Variants in CRCP observed in about 807,000 individuals in gnomAD.
CRCP encodes the protein DNA-directed RNA polymerase III subunit RPC9.
CRCP carries 18 observed loss-of-function variants against 18.5 expected under a neutral mutation model. The ratio of observed to expected loss-of-function variants is 0.97; its 90% confidence interval spans 0.67 to 1.44. The LOEUF (loss-of-function observed/expected upper bound fraction) is 1.44, where lower values mean the gene tolerates loss of function less well. CRCP is among the 40% of genes most tolerant of loss of function. The pLI, the probability that CRCP is intolerant of heterozygous loss-of-function variation, is 0.00. For synonymous variants in CRCP, 53 were observed against 62.9 expected (o/e 0.84, Z 0.75); for missense variants, 130 against 176.4 (o/e 0.74, Z 1.49).
chr7:66,122,926 A>G (rs1454205015), intron 1 of CRCP, among the ~76,000 whole-genome samples: 2 of 151,450 alleles, frequency 1.3e-5, no homozygotes, highest in Non-Finnish European at 2.9e-5. Context: ...ACACATGTCA[A>G]TAAAATGAGT....
chr7:66,149,563 A>AAT (rs1788394067), intron 5 of CRCP, among the ~76,000 whole-genome samples: 1 of 152,194 alleles, frequency 6.6e-6, no homozygotes, highest in Non-Finnish European at 1.5e-5. Flanking sequence ...TTGAGAAAAT[A>AAT]ATGTGCAGAA....
At chr7:66,144,262 A>C (rs1455929913) in intron 4 of CRCP, among the ~76,000 whole-genome samples, 1 of 152,212 alleles carries the variant, frequency 6.6e-6, no homozygotes, top group African/African-American at 2.4e-5. Context: ...ACTGTCACTC[A>C]GATCTTTTGT....
intron 1 of CRCP, among the ~76,000 whole-genome samples, chr7:66,126,103 A>G (rs1787609860): frequency 6.7e-6 from 1 of 149,500 alleles, no homozygotes. Flanking sequence ...ATTTGGGCAA[A>G]GCAGCACTTT....
At chr7:66,130,897 T>G (rs987593724) in intron 3 of CRCP, 55 bp downstream of exon 3, 9 of 957,794 alleles carry the variant, frequency 9.4e-6, no homozygotes, top group African/African-American at 1.6e-5. Flanking sequence ...GAGGGGGGTT[T>G]ATTCTCCCAA....
intron 5 of CRCP, among the ~76,000 whole-genome samples, chr7:66,146,323 C>T (rs547188982): frequency 6.6e-6 from 1 of 152,128 alleles, no homozygotes; most frequent in African/African-American, 2.4e-5. Flanking sequence ...ATAAGGGGCC[C>T]GGGAAATGAT....
At chr7:66,126,820 G>T (rs907353375) in intron 1 of CRCP, among the ~76,000 whole-genome samples, 1 of 149,146 alleles carries the variant, frequency 6.7e-6, no homozygotes, top group Admixed American at 6.7e-5. Context: ...CATGTTTCCA[G>T]TGAACCCTGT....
chr7:66,148,105 T>C (rs943765287), intron 5 of CRCP, among the ~76,000 whole-genome samples: 2 of 151,850 alleles, frequency 1.3e-5, no homozygotes, highest in Admixed American at 6.6e-5. Flanking sequence ...CTCACGCCTG[T>C]AATCCCAGTA....
chr7:66,141,627 A>G (rs971858525), intron 4 of CRCP, among the ~76,000 whole-genome samples: 1 of 152,204 alleles, frequency 6.6e-6, no homozygotes, highest in East Asian at 1.9e-4. Context: ...AGAAGGTGTC[A>G]TGGAAGCCCC....
At chr7:66,126,764 A>C in intron 1 of CRCP, 1 of 329,016 alleles carries the variant, frequency 3.0e-6, no homozygotes, top group Non-Finnish European at 6.0e-6. Flanking sequence ...AGTAGTAGTG[A>C]TAATGTTGGT....
At chr7:66,141,364 C>T (rs1302183180) in intron 4 of CRCP, among the ~76,000 whole-genome samples, 3 of 152,112 alleles carry the variant, frequency 2.0e-5, no homozygotes, top group Non-Finnish European at 2.9e-5. Context: ...ACTTCTCCCA[C>T]CTCGCCCACC....
intron 4 of CRCP, among the ~76,000 whole-genome samples, chr7:66,135,752 T>G (rs1787953063): frequency 6.6e-6 from 1 of 152,056 alleles, no homozygotes; most frequent in African/African-American, 2.4e-5. Context: ...AGAAACCCCA[T>G]CTCTACTAAA....
intron 5 of CRCP, among the ~76,000 whole-genome samples, chr7:66,151,462 G>T (rs1044607341): frequency 1.3e-5 from 2 of 152,060 alleles, no homozygotes; most frequent in East Asian, 3.9e-4. Context: ...CCAGCTATTC[G>T]GGAGGCTGAG....
intron 1 of CRCP, among the ~76,000 whole-genome samples, chr7:66,116,645 T>C (rs1044826020): frequency 1.3e-5 from 2 of 152,144 alleles, no homozygotes; most frequent in Non-Finnish European, 2.9e-5. Flanking sequence ...CCTGTGAGCA[T>C]ACAACCCTGC....
At chr7:66,136,794 G>T (rs1698841553) in intron 4 of CRCP, among the ~76,000 whole-genome samples, 1 of 151,818 alleles carries the variant, frequency 6.6e-6, no homozygotes, top group Non-Finnish European at 1.5e-5. Context: ...AATAATTCAA[G>T]ATCGGACGGG....
At chr7:66,134,435 C>G in intron 4 of CRCP, 61 bp downstream of exon 4, 1 of 1,129,694 alleles carries the variant, frequency 8.9e-7, no homozygotes, top group East Asian at 2.4e-5. Context: ...TTGCTACATT[C>G]GTAGCAACCG....
chr7:66,140,242 G>A (rs1788093422), intron 4 of CRCP, among the ~76,000 whole-genome samples: 1 of 152,188 alleles, frequency 6.6e-6, no homozygotes, highest in Non-Finnish European at 1.5e-5. Context: ...GGCCCTGAGA[G>A]AAAAGGGGAA....
intron 4 of CRCP, among the ~76,000 whole-genome samples, chr7:66,141,775 C>CT (rs1306411105): frequency 1.3e-5 from 2 of 152,100 alleles, no homozygotes; most frequent in African/African-American, 2.4e-5. Flanking sequence ...TGGGCAAGAG[C>CT]TAGGGTGCAG....
intron 5 of CRCP, among the ~76,000 whole-genome samples, chr7:66,145,847 T>G (rs1788276096): frequency 1.3e-5 from 2 of 152,230 alleles, no homozygotes; most frequent in South Asian, 4.1e-4. Context: ...GAACATTCTC[T>G]GTCCCCACGC....
intron 5 of CRCP, among the ~76,000 whole-genome samples, chr7:66,149,180 G>A (rs768579192): frequency 1.3e-5 from 2 of 152,098 alleles, no homozygotes; most frequent in East Asian, 3.8e-4. Context: ...CCTTGAGATG[G>A]TGCTTTGAAC....
Sources: allele counts gnomAD v4.1 joint callset (sites outside exome capture counted in the v4.1 genomes callset), GRCh38; gene constraint gnomAD v4.1.1; transcripts MANE v1.5; gene names NCBI Gene and HGNC (gene_info 2026-07-23, HGNC 2026-07-21).